CLCN3: variants seen among roughly 807,000 people sequenced by gnomAD.
CLCN3 encodes the protein H(+)/Cl(-) exchange transporter 3.
In CLCN3, 16 loss-of-function variants were observed where a neutral mutation model predicts 83.4. That is an observed-to-expected ratio of 0.19 (90% CI 0.13 to 0.29). The LOEUF is 0.29. Ranked by LOEUF, CLCN3 falls within the 10% of genes least tolerant of loss-of-function variation. The probability of loss-of-function intolerance (pLI) is 1.00; values close to 1 mark genes in which losing one functional copy is unlikely to be tolerated. For synonymous variants in CLCN3, 322 were observed against 346.2 expected, an observed-to-expected ratio of 0.93 and a Z score of 0.78; for missense variants, 544 against 1,006.0, an observed-to-expected ratio of 0.54 and a Z score of 6.21.
chr4:169,653,640 CAAAAAAAAA>C (rs70964215), intron 2 of CLCN3, among the ~76,000 whole-genome samples: 7 of 73,574 alleles, frequency 9.5e-5, no homozygotes, highest in South Asian at 1.2e-3. Context: ...GACTCCGTCT[CAAAAAAAAA>C]AAAAAAAAAA....
chr4:169,702,488 A>G (rs552263993), intron 9 of CLCN3, among the ~76,000 whole-genome samples: 1 of 152,300 alleles, frequency 6.6e-6, no homozygotes, highest in Non-Finnish European at 1.5e-5. Context: ...TGGGCTTAAA[A>G]TAGTTAGTAA....
intron 9 of CLCN3, among the ~76,000 whole-genome samples, chr4:169,698,363 C>T (rs1383329011): frequency 6.6e-6 from 1 of 152,150 alleles, no homozygotes; most frequent in Admixed American, 6.5e-5. Flanking sequence ...CTCCTGGGAT[C>T]AATCACGCAT....
intron 2 of CLCN3, among the ~76,000 whole-genome samples, chr4:169,678,336 G>A (rs985529499): frequency 6.6e-6 from 1 of 152,140 alleles, no homozygotes; most frequent in Admixed American, 6.5e-5. Context: ...TAATCTTTTG[G>A]CCTTACTTCC....
chr4:169,621,944 C>T (rs1306568441), intron 1 of CLCN3, among the ~76,000 whole-genome samples: 2 of 152,188 alleles, frequency 1.3e-5, no homozygotes, highest in Admixed American at 1.3e-4. Context: ...AAAGGTGCTG[C>T]TGCTATTCAG....
At chr4:169,713,610 A>C (rs543968021) in intron 12 of CLCN3, among the ~76,000 whole-genome samples, 13 of 152,326 alleles carry the variant, frequency 8.5e-5, no homozygotes, top group Admixed American at 7.8e-4. Context: ...GGAAGAGTGG[A>C]CCTAACCTGC....
chr4:169,633,867 T>C (rs770751517), intron 1 of CLCN3, among the ~76,000 whole-genome samples: 1 of 152,204 alleles, frequency 6.6e-6, no homozygotes, highest in Non-Finnish European at 1.5e-5. Flanking sequence ...GGACCAGCCA[T>C]GTTTCAATGG....
chr4:169,627,138 A>C (rs1773254756), intron 1 of CLCN3, among the ~76,000 whole-genome samples: 1 of 152,160 alleles, frequency 6.6e-6, no homozygotes, highest in Admixed American at 6.5e-5. Flanking sequence ...TTAGTGTGAC[A>C]CATGAACCCC....
chr4:169,678,812 A>C (rs891048338), intron 2 of CLCN3, among the ~76,000 whole-genome samples: 22 of 152,174 alleles, frequency 1.4e-4, no homozygotes, highest in Non-Finnish European at 2.1e-4. Flanking sequence ...TCCTGTGTCT[A>C]CTTCTTTCTA....
rs996802605 is a variant in CLCN3 at position 169,620,612 on chromosome 4, C to G, written c.-468C>G. On this transcript the variant is annotated 5_prime_UTR_variant, in exon 1 of 13. Coordinates refer to ENST00000513761, the MANE Select transcript of CLCN3 (RefSeq NM_001829.4). The stretch of plus-strand genomic sequence containing the variant: ...TTCCGTGGGTCAGGGCCGGTCCGGT[C>G]CGGAACCTGCAGCCCCTTTCCCAGT... The G allele has an allele frequency of 2.5e-6, 1 of 397,416 alleles. No homozygotes were observed. The highest frequency in any genetic ancestry group is 3.6e-5 in the East Asian group (1 of 28,058). 24.6% of individuals were successfully genotyped at this position (397,416 alleles called of 1,614,324 possible). A position where few individuals can be genotyped will look rare whatever the true frequency, so the allele number is the denominator to read the frequency against.
chr4:169,709,940 A>G (rs1733144994), intron 11 of CLCN3, among the ~76,000 whole-genome samples: 1 of 144,352 alleles, frequency 6.9e-6, no homozygotes, highest in Non-Finnish European at 1.6e-5. Context: ...CTCTACCAAA[A>G]AAAAAAAATT....
chr4:169,680,227 A>T lies in CLCN3; in HGVS notation c.318+20A>T, dbSNP rs2150239056. On this transcript the variant is annotated intron_variant, in intron 3 of 12. Coordinates refer to ENST00000513761, the MANE Select transcript of CLCN3 (RefSeq NM_001829.4). ...AGACGGGTAAGTGTTTTTAGTAAAA[A>T]TTTTTAAAAACATAGTGCATAATTA... 1.3e-6 allele frequency: 2 copies of T among 1,584,358 alleles called. No individual in the cohort carries two copies. Among genetic ancestry groups the T allele is most frequent in the East Asian group, 4.5e-5 (2 of 44,580 alleles).
intron 9 of CLCN3, chr4:169,702,684 G>A (rs943434187): frequency 1.8e-5 from 3 of 169,584 alleles, no homozygotes; most frequent in South Asian, 1.2e-4. Context: ...GCTCACGCCT[G>A]TAATCTCCAT....
intron 5 of CLCN3, among the ~76,000 whole-genome samples, chr4:169,689,589 A>G (rs1428491521): frequency 2.0e-5 from 3 of 152,220 alleles, no homozygotes; most frequent in African/African-American, 4.8e-5. Context: ...GTATTATCAA[A>G]TAATTTAGTA....
chr4:169,690,424 C>T (rs528659356), intron 5 of CLCN3, 106 bp from the exon 6 acceptor site: 25 of 1,165,744 alleles, frequency 2.1e-5, no homozygotes, highest in African/African-American at 6.2e-5. Flanking sequence ...GGATTACAGG[C>T]GTGAGCCACC....
chr4:169,681,900 T>G (rs1393048485), intron 3 of CLCN3, among the ~76,000 whole-genome samples: 1 of 152,220 alleles, frequency 6.6e-6, no homozygotes, highest in Non-Finnish European at 1.5e-5. Context: ...AGTCAATATG[T>G]TGTATGTTGT....
chr4:169,713,630 T>A (rs1733310780), intron 12 of CLCN3, among the ~76,000 whole-genome samples: 1 of 152,182 alleles, frequency 6.6e-6, no homozygotes, highest in Non-Finnish European at 1.5e-5. Flanking sequence ...CATGGAGCAC[T>A]GCAAAAACCT....
At chr4:169,660,185 C>T (rs2150218842) in intron 2 of CLCN3, 2 of 1,164,976 alleles carry the variant, frequency 1.7e-6, no homozygotes, top group South Asian at 3.9e-5. Flanking sequence ...CAATAATTTC[C>T]CTTTGATGAC....
intron 3 of CLCN3, among the ~76,000 whole-genome samples, chr4:169,681,993 A>G (rs887795668): frequency 1.4e-4 from 22 of 152,330 alleles, no homozygotes; most frequent in African/African-American, 5.3e-4. Context: ...ATAGTCTTTT[A>G]AGATTATTGC....
At chr4:169,719,265 G>T (rs1207898556) in intron 12 of CLCN3, among the ~76,000 whole-genome samples, 3 of 152,188 alleles carry the variant, frequency 2.0e-5, no homozygotes, top group Non-Finnish European at 2.9e-5. Context: ...AGGAGTTGAA[G>T]CCCATTCTGG....
Sources: gnomAD v4.1 joint callset for allele counts (sites outside exome capture counted in the v4.1 genomes callset) on GRCh38, gnomAD v4.1.1 for gene constraint, MANE v1.5 for transcripts, NCBI Gene and HGNC (gene_info 2026-07-23, HGNC 2026-07-21) for gene names.